Variants in DHRS12 observed in about 807,000 individuals in gnomAD.
DHRS12 encodes dehydrogenase/reductase 12.
In DHRS12, 29 loss-of-function variants were observed where a neutral mutation model predicts 32.1. The observed-to-expected ratio is 0.90, with a 90% CI of 0.67 to 1.23. The LOEUF is 1.23. DHRS12 is among the 50% of genes most tolerant of loss of function. The pLI is 0.00. For synonymous variants in DHRS12, 150 were observed against 135.9 expected (o/e 1.10, Z -0.72); for missense variants, 330 against 337.2 (o/e 0.98, Z 0.17).
chr13:51,776,017 T>TGTATTCTCCTACATGTATTCTACA (rs1566281015), intron 5 of DHRS12: 3 of 79,390 alleles, frequency 3.8e-5, no homozygotes, highest in Non-Finnish European at 5.3e-5. Flanking sequence ...TTCTCCTACA[T>TGTATTCTCCTACATGTATTCTACA]GTATTCTCCT....
At chr13:51,762,527 A>G in the DHRS12 span, 1 of 152,216 alleles carries the variant, frequency 6.6e-6, no homozygotes. Context: ...TGTGTTTGTA[A>G]TACTGTGAAT....
chr13:51,784,922 C>A (rs1954882043), intron 4 of DHRS12, among the ~76,000 whole-genome samples: 1 of 152,218 alleles, frequency 6.6e-6, no homozygotes, highest in African/African-American at 2.4e-5. Flanking sequence ...ATAAAATGGG[C>A]CCTTTATAAA....
At chr13:51,772,198 A>G (rs7337396) in intron 6 of DHRS12, among the ~76,000 whole-genome samples, 2,152 of 152,242 alleles carry the variant, frequency 0.014, 46 homozygotes, top group African/African-American at 0.05. Flanking sequence ...TACACCCCTC[A>G]GTGCCCAGGT....
At chr13:51,762,263 C>T in the DHRS12 span, 2 of 152,248 alleles carry the variant, frequency 1.3e-5, no homozygotes, top group Non-Finnish European at 2.9e-5. Context: ...GTTCAGACCT[C>T]ATTCGGGAAG....
At chr13:51,791,077 C>A in intron 3 of DHRS12, 88 bp downstream of exon 3, 1 of 854,848 alleles carries the variant, frequency 1.2e-6, no homozygotes, top group Non-Finnish European at 1.8e-6. Flanking sequence ...TCCATAAAGA[C>A]AGGCAAACAT....
chr13:51,793,975 C>G (rs74086296), intron 2 of DHRS12, among the ~76,000 whole-genome samples: 496 of 152,298 alleles, frequency 3.3e-3, no homozygotes, highest in African/African-American at 0.011. Flanking sequence ...AATCACTGTC[C>G]TAGACAAATC....
intron 1 of DHRS12, chr13:51,803,770 G>A (rs1225502174): frequency 3.5e-6 from 1 of 288,748 alleles, no homozygotes. Flanking sequence ...CTTGGCGCCG[G>A]GGCCGCCTGA....
At position 51,804,140 on chromosome 13, in the gene DHRS12, C is replaced by T; in HGVS notation, c.-95G>A. The T allele has an allele frequency of 1.4e-6, 2 of 1,448,670 alleles. No homozygotes were observed. Among genetic ancestry groups the T allele is most frequent in the East Asian group, 3.0e-5 (1 of 33,668 alleles). The allele number at this position is 1,448,670 out of a possible 1,614,324, so 89.7% of individuals were successfully genotyped here. On this transcript the variant is annotated 5_prime_UTR_variant, in exon 1 of 9. Transcript: ENST00000444610. ...GAGCGCCCCACGCCTAGCCCCACCG[C>T]GCTCCCGGCGCGGCCTCCGCCCTGG... is the stretch of plus-strand genomic sequence containing the variant.
intron 5 of DHRS12, 69 bp from the exon 6 acceptor site, chr13:51,774,103 A>G (rs966209797): frequency 2.8e-6 from 4 of 1,446,694 alleles, no homozygotes; most frequent in Non-Finnish European, 3.9e-6. Flanking sequence ...CCCCCTGTAG[A>G]GCAGTGCTTC....
intron 4 of DHRS12, chr13:51,789,543 C>T (rs1215854892): frequency 1.0e-6 from 1 of 985,416 alleles, no homozygotes; most frequent in South Asian, 4.7e-5. Context: ...CTTGGAGAGC[C>T]ACTGGCCTGA....
In DHRS12 at chr13:51,791,216, T is replaced by G; in HGVS notation, c.168A>C (p.Gln56His). The change falls in exon 3 of 9, where the codon CAA (glutamine) becomes CAC (histidine). Residue 56 changes from glutamine to histidine, a missense_variant. Gln to His is a conservative substitution (Grantham distance 24). Transcript: ENST00000444610. ...LHIVDLSDPKQIWKFVENFKQ... is the reference protein window; with the variant it reads ...LHIVDLSDPKHIWKFVENFKQ... ...TGAAATTTTCAACAAATTTCCAGAT[T>G]TGCTTGGGATCAGACAAGTCCACAA... 1 of 1,582,038 alleles carries G rather than the reference T, an allele frequency of 6.3e-7. No individual in the cohort carries two copies. The highest frequency in any genetic ancestry group is 1.4e-5 in the African/African-American group (1 of 73,904).
chr13:51,755,583 C>T, the DHRS12 span: 18 of 843,546 alleles, frequency 2.1e-5, no homozygotes, highest in Non-Finnish European at 3.4e-5. Context: ...CCTGGAGTCA[C>T]CTCGTGATTG....
chr13:51,764,242 C>T (rs956001015), downstream of DHRS12: 2 of 152,206 alleles, frequency 1.3e-5, no homozygotes, highest in Non-Finnish European at 2.9e-5. Context: ...GGCCCATTCT[C>T]AGGCTGGGCA....
intron 2 of DHRS12, among the ~76,000 whole-genome samples, chr13:51,799,216 T>A: frequency 6.6e-6 from 1 of 152,196 alleles, no homozygotes; most frequent in Non-Finnish European, 1.5e-5. Flanking sequence ...TTGTTTTTGT[T>A]TTTTTAATTA....
At chr13:51,796,750 C>T (rs926022102) in intron 2 of DHRS12, among the ~76,000 whole-genome samples, 4 of 152,146 alleles carry the variant, frequency 2.6e-5, no homozygotes, top group African/African-American at 7.2e-5. Flanking sequence ...CTTTCAATCT[C>T]GAGAACTGCA....
At chr13:51,756,106 G>T in the DHRS12 span, among the ~76,000 whole-genome samples, 1 of 152,182 alleles carries the variant, frequency 6.6e-6, no homozygotes, top group East Asian at 1.9e-4. Context: ...AAGCAGGAGA[G>T]TGGGGTGGTA....
In DHRS12 at chr13:51,804,146, C is replaced by A; in HGVS notation, c.-101G>T. On this transcript the variant is annotated 5_prime_UTR_variant, in exon 1 of 9. Coordinates refer to ENST00000444610, the MANE Select transcript of DHRS12 (RefSeq NM_001377533.1). ...CCCACGCCTAGCCCCACCGCGCTCC[C>A]GGCGCGGCCTCCGCCCTGGTCCCGC... 6.9e-7 allele frequency: 1 copy of A among 1,445,832 alleles called. No homozygotes were observed. Among genetic ancestry groups the A allele is most frequent in the South Asian group, 1.3e-5 (1 of 75,008 alleles). 89.6% of individuals were successfully genotyped at this position (1,445,832 alleles called of 1,614,324 possible). A position where few individuals can be genotyped will look rare whatever the true frequency, so the allele number is the denominator to read the frequency against.
intron 2 of DHRS12, among the ~76,000 whole-genome samples, chr13:51,798,810 T>G (rs1218460809): frequency 6.6e-6 from 1 of 152,242 alleles, no homozygotes; most frequent in Non-Finnish European, 1.5e-5. Context: ...AACATCCATT[T>G]TTCCTGAAGA....
the DHRS12 span, among the ~76,000 whole-genome samples, chr13:51,758,560 A>C: frequency 1.3e-5 from 2 of 151,918 alleles, no homozygotes; most frequent in Non-Finnish European, 2.9e-5. Flanking sequence ...CTTAAAAAAA[A>C]AAAAAAAAAA....
Sources: gnomAD v4.1 joint callset for allele counts (sites outside exome capture counted in the v4.1 genomes callset) on GRCh38, gnomAD v4.1.1 for gene constraint, MANE v1.5 for transcripts, NCBI Gene and HGNC (gene_info 2026-07-23, HGNC 2026-07-21) for gene names.